LYL1: variants seen among roughly 807,000 people sequenced by gnomAD.
LYL1 encodes protein lyl-1.
Under a neutral mutation model 11.1 loss-of-function variants are expected in LYL1, and 4 were observed. The observed-to-expected ratio is 0.36, with a 90% CI of 0.18 to 0.82. The LOEUF (loss-of-function observed/expected upper bound fraction) is 0.82. Among genes scored for constraint, LYL1 ranks in the 40% least tolerant of loss-of-function variants. The pLI is 0.49. For missense variants in LYL1, 356 were observed against 397.6 expected, an observed-to-expected ratio of 0.90 and a Z score of 0.89; for synonymous variants, 179 against 174.8, an observed-to-expected ratio of 1.02 and a Z score of -0.19.
chr19:13,099,541 G>C lies in LYL1; in HGVS notation c.621C>G (p.Arg207=), dbSNP rs749031160. Residue 207 remains arginine (R), a synonymous_variant, in exon 4 of 4, where the codon CGC becomes CGG. Transcript: ENST00000264824. This position sits in a 1 kb window ranked among gnomAD's most constrained non-coding sequence, Gnocchi z 5.3. ...KYIGFLVRLL[R]DQAAALAAGP... ...CTGCGGCCAGAGCTGCGGCTTGGTC[G>C]CGCAGCAGCCGCACCAGGAAGCCGA... 4.0e-6 allele frequency: 6 copies of C among 1,510,800 alleles called. No individual in the cohort carries two copies. The South Asian group carries it at 7.5e-5, about 19-fold the overall frequency. 93.6% of individuals were successfully genotyped at this position (1,510,800 alleles called of 1,614,324 possible).
Position 13,099,494 on chromosome 19 carries a change from C to T in LYL1, c.668G>A (p.Arg223His), listed in dbSNP as rs1326588094. The T allele has an allele frequency of 7.5e-7, 1 of 1,340,904 alleles. No individual in the cohort carries two copies. The highest frequency in any genetic ancestry group is 3.5e-5 in the Admixed American group (1 of 28,572). 83.1% of individuals were successfully genotyped at this position (1,340,904 alleles called of 1,614,324 possible). A position where few individuals can be genotyped will look rare whatever the true frequency, so the allele number is the denominator to read the frequency against. ...LAAGPTPPGP[R>H]KRPVHRVPDD... ...TGGGACCCGGTGCACCGGCCGTTTG[C>T]GAGGCCCGGGAGGGGTGGGGCCTGC... is the stretch of plus-strand genomic sequence containing the variant. Residue 223 changes from arginine to histidine, a missense_variant, in exon 4 of 4, where the codon CGC becomes CAC. Physicochemically the swap from Arg to His is conservative, Grantham distance 29 (BLOSUM62 0). Transcript: ENST00000264824. This position sits in a 1 kb window ranked among gnomAD's most constrained non-coding sequence, Gnocchi z 5.3.
In LYL1 at chr19:13,102,125, C is replaced by T. The variant is rs757685245; in HGVS notation, c.-25+406G>A. 1 of 211,290 alleles carries T rather than the reference C, an allele frequency of 4.7e-6. No homozygotes were observed. The highest frequency in any genetic ancestry group is 2.3e-5 in the African/African-American group (1 of 44,002). The allele number at this position is 211,290 out of a possible 1,614,324, so 13.1% of individuals were successfully genotyped here. A position where few individuals can be genotyped will look rare whatever the true frequency, so the allele number is the denominator to read the frequency against. ...TAGCTGAGAGTACAGGCATGTGCCA[C>T]CATGCCCGGCTAATTTAAAAAAAAA... On this transcript the variant is annotated intron_variant, in intron 1 of 3. Coordinates refer to ENST00000264824, the MANE Select transcript of LYL1 (RefSeq NM_005583.5). This position sits in a 1 kb window ranked among gnomAD's most constrained non-coding sequence, Gnocchi z 4.9.
chr19:13,099,142 C>T lies in LYL1; in HGVS notation c.*177G>A, dbSNP rs1000947147. 8.0e-6 allele frequency: 4 copies of T among 500,476 alleles called. No homozygotes were observed. Among genetic ancestry groups the T allele is most frequent in the Non-Finnish European group, 1.2e-5 (4 of 322,398 alleles). 31.0% of individuals were successfully genotyped at this position (500,476 alleles called of 1,614,324 possible). On this transcript the variant is annotated 3_prime_UTR_variant, in exon 4 of 4. Coordinates refer to ENST00000264824, the MANE Select transcript of LYL1 (RefSeq NM_005583.5). The surrounding 1 kb of genome is among the most constrained non-coding windows in gnomAD (Gnocchi z 5.3). ...TGATTTTTTTAAGGGTCTGCGGGTC[C>T]CTTGGGGGTCGATGATCACCCTTCC... is the stretch of plus-strand genomic sequence containing the variant.
At position 13,102,270 on chromosome 19, in the gene LYL1, A is replaced by G. The variant is rs140496488; in HGVS notation, c.-25+261T>C. On this transcript the variant is annotated intron_variant, in intron 1 of 3. Coordinates refer to ENST00000264824, the MANE Select transcript of LYL1 (RefSeq NM_005583.5). This position sits in a 1 kb window ranked among gnomAD's most constrained non-coding sequence, Gnocchi z 4.9. Reference sequence around the variant, plus strand: ...GCTGGGATTACAGGCATGCACCACAATGCCCCGCGATCATCCACAGTTTTG... The same window carrying G: ...GCTGGGATTACAGGCATGCACCACAGTGCCCCGCGATCATCCACAGTTTTG... 1.9e-3 allele frequency: 376 copies of G among 201,940 alleles called. 3 individuals carry two copies. The highest frequency in any genetic ancestry group is 8.0e-3 in the African/African-American group (350 of 43,728). The allele number at this position is 201,940 out of a possible 1,614,324, so 12.5% of individuals were successfully genotyped here. A position where few individuals can be genotyped will look rare whatever the true frequency, so the allele number is the denominator to read the frequency against.
In LYL1 at chr19:13,099,527, G is replaced by C; in HGVS notation, c.635C>G (p.Ala212Gly). ...LVRLLRDQAA[A>G]LAAGPTPPGP... ...GGGAGGGGTGGGGCCTGCGGCCAGA[G>C]CTGCGGCTTGGTCGCGCAGCAGCCG... Residue 212 changes from alanine to glycine, a missense_variant, in exon 4 of 4, where the codon GCT becomes GGT. Ala to Gly is a moderately conservative substitution (Grantham distance 60). Coordinates refer to ENST00000264824, the MANE Select transcript of LYL1 (RefSeq NM_005583.5). The surrounding 1 kb of genome is among the most constrained non-coding windows in gnomAD (Gnocchi z 5.3). 6.6e-7 allele frequency: 1 copy of C among 1,507,154 alleles called. No individual in the cohort carries two copies. Among genetic ancestry groups the C allele is most frequent in the Non-Finnish European group, 8.9e-7 (1 of 1,124,122 alleles). 93.4% of individuals were successfully genotyped at this position (1,507,154 alleles called of 1,614,324 possible).
In LYL1 at chr19:13,099,580, T is replaced by A. The variant is rs2018645880; in HGVS notation, c.582A>T (p.Leu194=). ...CCAGGAAGCCGATGTACTTCATGGC[T>A]AGGCGGAGCACCTCGTTCTTGCTCA... The part of the protein sequence containing the change: ...RKLSKNEVLR[L]AMKYIGFLVR... Residue 194 remains leucine, a synonymous_variant, in exon 4 of 4, where the codon CTA becomes CTT. Coordinates refer to ENST00000264824, the MANE Select transcript of LYL1 (RefSeq NM_005583.5). This position sits in a 1 kb window ranked among gnomAD's most constrained non-coding sequence, Gnocchi z 5.3. 1.9e-6 allele frequency: 3 copies of A among 1,551,654 alleles called. No individual in the cohort carries two copies. In the African/African-American group the frequency reaches 4.1e-5, roughly 21 times the overall value.
rs759121048 is a variant in LYL1, at chr19:13,100,692, C to G, written c.392G>C (p.Arg131Pro). ...GTCCAGCTCACAGTGGCTTGGTCTC[C>G]GCTTCAACCGGCTGCTAGGGAAGAT... ...FSIFPSSRLK[R>P]RPSHCELDLA... is the part of the protein sequence containing the mutation. The change falls in exon 3 of 4, where the codon CGG becomes CCG. Residue 131 changes from arginine to proline, a missense_variant. Coordinates refer to ENST00000264824, the MANE Select transcript of LYL1 (RefSeq NM_005583.5). 7 of 1,614,202 alleles carry G rather than the reference C, an allele frequency of 4.3e-6. No individual in the cohort carries two copies. In the Admixed American group the frequency reaches 1.0e-4, roughly 23 times the overall value.
Position 13,101,499 on chromosome 19 carries a change from T to G in LYL1, c.-24-304A>C. On this transcript the variant is annotated intron_variant, in intron 1 of 3. Coordinates refer to ENST00000264824, the MANE Select transcript of LYL1 (RefSeq NM_005583.5). This position sits in a 1 kb window ranked among gnomAD's most constrained non-coding sequence, Gnocchi z 5.1. The stretch of plus-strand genomic sequence containing the variant: ...TGAGCAAATATTCCTTCTTCCAGAA[T>G]TCCCTCACCTCTGCAGCCTGGAGAG... The G allele has an allele frequency of 3.3e-6, 1 of 305,090 alleles. No homozygotes were observed. The highest frequency in any genetic ancestry group is 5.0e-5 in the East Asian group (1 of 19,850). The allele number at this position is 305,090 out of a possible 1,614,324, so 18.9% of individuals were successfully genotyped here.
chr19:13,101,112 C>T lies in LYL1; in HGVS notation c.60G>A (p.Met20Ile), dbSNP rs1227643641. The T allele has an allele frequency of 1.3e-5, 19 of 1,488,218 alleles. No homozygotes were observed. Among genetic ancestry groups the T allele is most frequent in the Non-Finnish European group, 1.6e-5 (18 of 1,122,406 alleles). 92.2% of individuals were successfully genotyped at this position (1,488,218 alleles called of 1,614,324 possible). ...CAGGCGCTGGGCTGGGGGCACACAC[C>T]ATCTCTGCCTTCTCAGTCATGGTGG... The part of the protein sequence containing the change: ...VGPTMTEKAE[M>I]VCAPSPAPAP... Residue 20 changes from methionine (M) to isoleucine (I), a missense_variant, in exon 2 of 4, where the codon ATG becomes ATA. Physicochemically the swap from Met to Ile is conservative, Grantham distance 10 (BLOSUM62 1). Transcript: ENST00000264824. The surrounding 1 kb of genome is among the most constrained non-coding windows in gnomAD (Gnocchi z 5.1).
In LYL1 at chr19:13,099,416, G is replaced by A; in HGVS notation, c.746C>T (p.Ser249Leu). Reference sequence around the variant, plus strand: ...GGGGTCGGCCGGGGGCGCGGGCTGCGAGCGCGCTGCCGCCTCGGCCCTGCG... The same window carrying A: ...GGGGTCGGCCGGGGGCGCGGGCTGCAAGCGCGCTGCCGCCTCGGCCCTGCG... Reference protein sequence around the residue: ...SGRRAEAAARSQPAPPADPDG... With the variant: ...SGRRAEAAARLQPAPPADPDG... The change falls in exon 4 of 4, where the codon TCG becomes TTG. Residue 249 changes from serine (S) to leucine (L), a missense_variant. Physicochemically the swap from Ser to Leu is moderately radical, Grantham distance 145. Transcript: ENST00000264824. The surrounding 1 kb of genome is among the most constrained non-coding windows in gnomAD (Gnocchi z 5.3). The A allele has an allele frequency of 8.0e-7, 1 of 1,243,116 alleles. No homozygotes were observed. The highest frequency in any genetic ancestry group is 4.1e-5 in the South Asian group (1 of 24,634). 77.0% of individuals were successfully genotyped at this position (1,243,116 alleles called of 1,614,324 possible).
chr19:13,101,356 A>C lies in LYL1; in HGVS notation c.-24-161T>G. ...GGCAGATGGCGGGGGCAGGCCCAGA[A>C]ACTTCCAGGACACGGGAGGGGGGTC... is the stretch of plus-strand genomic sequence containing the variant. On this transcript the variant is annotated intron_variant, in intron 1 of 3. Coordinates refer to ENST00000264824, the MANE Select transcript of LYL1 (RefSeq NM_005583.5). The surrounding 1 kb of genome is among the most constrained non-coding windows in gnomAD (Gnocchi z 5.1). 5 of 409,930 alleles carry C rather than the reference A, an allele frequency of 1.2e-5. No homozygotes were observed. The highest frequency in any genetic ancestry group is 1.3e-5 in the Non-Finnish European group (3 of 232,274). 25.4% of individuals were successfully genotyped at this position (409,930 alleles called of 1,614,324 possible).
Position 13,099,604 on chromosome 19 carries a change from C to G in LYL1, c.558G>C (p.Leu186=), listed in dbSNP as rs945470613. Residue 186 remains leucine, a synonymous_variant, in exon 4 of 4, where the codon CTG becomes CTC. Transcript: ENST00000264824. This position sits in a 1 kb window ranked among gnomAD's most constrained non-coding sequence, Gnocchi z 5.3. The stretch of plus-strand genomic sequence containing the variant: ...CTAGGCGGAGCACCTCGTTCTTGCT[C>G]AGCTTCCGGTCGGGCGGGTGCGTCG... ...LLPTHPPDRK[L]SKNEVLRLAM... 7 of 1,557,424 alleles carry G rather than the reference C, an allele frequency of 4.5e-6. No individual in the cohort carries two copies. The highest frequency in any genetic ancestry group is 6.1e-6 in the Non-Finnish European group (7 of 1,151,312).
In LYL1 at chr19:13,100,827, C is replaced by T. The variant is rs755158367; in HGVS notation, c.335+10G>A. 1.3e-6 allele frequency: 2 copies of T among 1,585,260 alleles called. 1 individual carries two copies. The highest frequency in any genetic ancestry group is 2.3e-5 in the South Asian group (2 of 88,194). ...ATCCCCACTGCCCCCCACCCCAGAT[C>T]CCCACTGACCTGTTGAGGAAGGGGT... On this transcript the variant is annotated intron_variant, in intron 2 of 3. Transcript: ENST00000264824.
chr19:13,099,480 G>A lies in LYL1; in HGVS notation c.682C>T (p.His228Tyr). The part of the protein sequence containing the change: ...TPPGPRKRPV[H>Y]RVPDDGARRG... ...CGGGCGCCGTCGTCTGGGACCCGGT[G>A]CACCGGCCGTTTGCGAGGCCCGGGA... Residue 228 changes from histidine (H) to tyrosine (Y), a missense_variant, in exon 4 of 4, where the codon CAC (histidine) becomes TAC (tyrosine). By Grantham distance (83) the His-to-Tyr change is moderately conservative (BLOSUM62 2). Transcript: ENST00000264824. This position sits in a 1 kb window ranked among gnomAD's most constrained non-coding sequence, Gnocchi z 5.3. 4 of 1,320,606 alleles carry A rather than the reference G, an allele frequency of 3.0e-6. No individual in the cohort carries two copies. Among genetic ancestry groups the A allele is most frequent in the Non-Finnish European group, 3.9e-6 (4 of 1,023,884 alleles). 81.8% of individuals were successfully genotyped at this position (1,320,606 alleles called of 1,614,324 possible).
chr19:13,100,903 A>T lies in LYL1; in HGVS notation c.269T>A (p.Leu90His). 6.4e-7 allele frequency: 1 copy of T among 1,556,858 alleles called. No individual in the cohort carries two copies. The highest frequency in any genetic ancestry group is 2.0e-5 in the Admixed American group (1 of 51,174). The change falls in exon 2 of 4, where the codon CTC (leucine) becomes CAC (histidine). Residue 90 changes from leucine (L) to histidine (H), a missense_variant. Coordinates refer to ENST00000264824, the MANE Select transcript of LYL1 (RefSeq NM_005583.5). The part of the protein sequence containing the change: ...LGTLRPPLLQ[L>H]STLGTAPPTL... ...GGGCGGGGCAGTTCCCAGGGTGGAG[A>T]GTTGCAGCAGCGGGGGCCGCAGAGT...
chr19:13,099,488 C>A lies in LYL1; in HGVS notation c.674G>T (p.Arg225Leu). Residue 225 changes from arginine to leucine, a missense_variant, in exon 4 of 4, where the codon CGG (arginine) becomes CTG (leucine). Physicochemically the swap from Arg to Leu is moderately radical, Grantham distance 102. Coordinates refer to ENST00000264824, the MANE Select transcript of LYL1 (RefSeq NM_005583.5). The surrounding 1 kb of genome is among the most constrained non-coding windows in gnomAD (Gnocchi z 5.3). Reference protein sequence around the residue: ...AGPTPPGPRKRPVHRVPDDGA... With the variant: ...AGPTPPGPRKLPVHRVPDDGA... The stretch of plus-strand genomic sequence containing the variant: ...GTCGTCTGGGACCCGGTGCACCGGC[C>A]GTTTGCGAGGCCCGGGAGGGGTGGG... 6.0e-6 allele frequency: 8 copies of A among 1,335,952 alleles called. No individual in the cohort carries two copies. The highest frequency in any genetic ancestry group is 7.8e-6 in the Non-Finnish European group (8 of 1,030,926). The allele number at this position is 1,335,952 out of a possible 1,614,324, so 82.8% of individuals were successfully genotyped here.
rs1209702675 is a variant in LYL1, at chr19:13,099,313, G to A, written c.*6C>T. 6 of 1,270,872 alleles carry A rather than the reference G, an allele frequency of 4.7e-6. No homozygotes were observed. The highest frequency in any genetic ancestry group is 6.0e-6 in the Non-Finnish European group (6 of 1,007,580). 78.7% of individuals were successfully genotyped at this position (1,270,872 alleles called of 1,614,324 possible). On this transcript the variant is annotated 3_prime_UTR_variant, in exon 4 of 4. Transcript: ENST00000264824. This position sits in a 1 kb window ranked among gnomAD's most constrained non-coding sequence, Gnocchi z 5.3. ...CCCTCCGGCTCAGAGGTGCTGCCGC[G>A]TGCGGTCACCGCACCTCTGGGCTCA... is the stretch of plus-strand genomic sequence containing the variant.
In LYL1 at chr19:13,100,813, C is replaced by T. The variant is rs547998490; in HGVS notation, c.335+24G>A. ...GACCCTGGCCCCCAATCCCCACTGC[C>T]CCCCACCCCAGATCCCCACTGACCT... On this transcript the variant is annotated intron_variant, in intron 2 of 3. Coordinates refer to ENST00000264824, the MANE Select transcript of LYL1 (RefSeq NM_005583.5). 9 of 1,597,334 alleles carry T rather than the reference C, an allele frequency of 5.6e-6. No homozygotes were observed. In the South Asian group the frequency reaches 8.9e-5, roughly 16 times the overall value.
rs755732139 is a variant in LYL1 at position 13,099,525 on chromosome 19, G to C, written c.637C>G (p.Leu213Val). Residue 213 changes from leucine to valine, a missense_variant, in exon 4 of 4, where the codon CTG becomes GTG. Coordinates refer to ENST00000264824, the MANE Select transcript of LYL1 (RefSeq NM_005583.5). The surrounding 1 kb of genome is among the most constrained non-coding windows in gnomAD (Gnocchi z 5.3). ...CCGGGAGGGGTGGGGCCTGCGGCCA[G>C]AGCTGCGGCTTGGTCGCGCAGCAGC... ...VRLLRDQAAA[L>V]AAGPTPPGPR... The C allele has an allele frequency of 6.7e-7, 1 of 1,502,048 alleles. No individual in the cohort carries two copies. Among genetic ancestry groups the C allele is most frequent in the Non-Finnish European group, 8.9e-7 (1 of 1,121,038 alleles). The allele number at this position is 1,502,048 out of a possible 1,614,324, so 93.0% of individuals were successfully genotyped here. A position where few individuals can be genotyped will look rare whatever the true frequency, so the allele number is the denominator to read the frequency against.
Sources: gnomAD v4.1 joint callset for allele counts on GRCh38, gnomAD v4.1.1 for gene constraint, Gnocchi (gnomAD v3.1) non-coding constraint, MANE v1.5 for transcripts, NCBI Gene and HGNC (gene_info 2026-07-23, HGNC 2026-07-21) for gene names.